The following PCSK5 variants were observed in gnomAD, a reference collection of about 807,000 sequenced individuals.
PCSK5 encodes prohormone convertase 5.
A neutral mutation model predicts 233.2 loss-of-function variants in PCSK5; 129 were observed. The observed-to-expected ratio is 0.55, with a 90% confidence interval of 0.48 to 0.64. The LOEUF is 0.64. Ranked by LOEUF, PCSK5 falls within the 30% of genes least tolerant of loss-of-function variation. The probability of loss-of-function intolerance (pLI) is 0.00; values close to 1 mark genes in which losing one functional copy is unlikely to be tolerated. For missense variants in PCSK5, 2,076 were observed against 2,430.1 expected, an observed-to-expected ratio of 0.85 and a Z score of 3.06; for synonymous variants, 825 against 879.2, an observed-to-expected ratio of 0.94 and a Z score of 1.09.
At chr9:76,196,140 G>T (rs1420600823) in intron 20 of PCSK5, among the ~76,000 whole-genome samples, 1 of 152,018 alleles carries the variant, frequency 6.6e-6, no homozygotes, top group East Asian at 1.9e-4. Context: ...GCAAGGCTGT[G>T]AAAAAAAATC....
intron 2 of PCSK5, among the ~76,000 whole-genome samples, chr9:75,967,010 G>A (rs1825616172): frequency 6.6e-6 from 1 of 152,106 alleles, no homozygotes; most frequent in Admixed American, 6.5e-5. Flanking sequence ...TCTTCAAGGG[G>A]GGAAGGAGGT....
chr9:76,038,811 A>G (rs1420482907), intron 5 of PCSK5, among the ~76,000 whole-genome samples: 1 of 152,236 alleles, frequency 6.6e-6, no homozygotes, highest in Non-Finnish European at 1.5e-5. Context: ...GAATGACACC[A>G]TTCCTGGGAC....
intron 5 of PCSK5, among the ~76,000 whole-genome samples, chr9:76,063,119 G>A (rs1830090456): frequency 6.6e-6 from 1 of 151,340 alleles, no homozygotes; most frequent in Non-Finnish European, 1.5e-5. Flanking sequence ...GAGAATGTCA[G>A]GATTTAATTT....
In PCSK5 at chr9:75,891,334, C is replaced by T; in HGVS notation, c.153C>T (p.Asn51=). 6.4e-7 allele frequency: 1 copy of T among 1,564,026 alleles called. No homozygotes were observed. Among genetic ancestry groups the T allele is most frequent in the Non-Finnish European group, 8.6e-7 (1 of 1,158,404 alleles). Residue 51 remains asparagine, a synonymous_variant, in exon 1 of 38, where the codon AAC becomes AAT. Transcript: ENST00000674117. ...VKIAGGFPEA[N]RIASKYGFIN... is the part of the protein sequence containing the mutation. ...TCGCCGGGGGCTTCCCGGAGGCCAACCGTATCGCCAGCAAGTACGGATTCA... is the reference window on the plus strand; with the variant it reads ...TCGCCGGGGGCTTCCCGGAGGCCAATCGTATCGCCAGCAAGTACGGATTCA...
chr9:76,093,781 A>G (rs1253386588), intron 7 of PCSK5, among the ~76,000 whole-genome samples: 1 of 152,084 alleles, frequency 6.6e-6, no homozygotes, highest in South Asian at 2.1e-4. Flanking sequence ...ATAGAGAGGG[A>G]ACATATTGAT....
chr9:75,912,947 T>A lies in PCSK5; in HGVS notation c.193-19432T>A, dbSNP rs539785388. Among the ~76,000 whole-genome samples the A allele has an allele frequency of 5.9e-5, 9 of 152,320 alleles. No homozygotes were observed. In the South Asian group the frequency reaches 1.9e-3, roughly 32 times the overall value. On this transcript the variant is annotated intron_variant, in intron 1 of 37. Coordinates refer to ENST00000674117, the MANE Select transcript of PCSK5 (RefSeq NM_001372043.1). ...ATGAACCTGCTCTGTCTCCTTGCAG[T>A]CGCTCAAATCCTGATTTTTTGGAAC...
intron 16 of PCSK5, among the ~76,000 whole-genome samples, chr9:76,181,945 G>A (rs1039635029): frequency 6.6e-5 from 10 of 152,142 alleles, no homozygotes; most frequent in Non-Finnish European, 8.8e-5. Context: ...TCACTTCCCC[G>A]TGCAACAATG....
In PCSK5 at chr9:76,310,673, C is replaced by A; in HGVS notation, c.3706C>A (p.Gln1236Lys). 2 of 1,587,144 alleles carry A rather than the reference C, an allele frequency of 1.3e-6. No individual in the cohort carries two copies. Among genetic ancestry groups the A allele is most frequent in the South Asian group, 1.2e-5 (1 of 86,268 alleles). Residue 1236 changes from glutamine (Q) to lysine (K), a missense_variant, in exon 30 of 38, where the codon CAG becomes AAG. This residue lies in a region of PCSK5 where 1,510 missense variants were observed against 1,538.1 expected (regional missense o/e 0.98). Transcript: ENST00000674117. ...SCPKGAYLLA[Q>K]ACVSSCPQGT... ...ATTTCTAGGTGCATATCTTCTGGCT[C>A]AGGCCTGTGTTTCCTCCTGTCCCCA... is the stretch of plus-strand genomic sequence containing the variant.
intron 9 of PCSK5, 77 bp from the exon 10 acceptor site, chr9:76,134,032 T>A (rs573124080): frequency 9.7e-7 from 1 of 1,027,020 alleles, no homozygotes; most frequent in East Asian, 2.5e-5. Flanking sequence ...TTTTGCTTTT[T>A]TAATTTGCTT....
intron 36 of PCSK5, among the ~76,000 whole-genome samples, chr9:76,351,405 G>A (rs1830117936): frequency 1.5e-5 from 2 of 135,638 alleles, no homozygotes; most frequent in African/African-American, 5.4e-5. Context: ...TAGAATTTCT[G>A]GTTTCTACCA....
chr9:76,111,920 C>G (rs11144752), intron 9 of PCSK5, among the ~76,000 whole-genome samples: 81,251 of 151,896 alleles, frequency 0.53, 21,824 homozygotes, highest in East Asian at 0.73. Context: ...ATGATGTTTT[C>G]TATAAAATTG....
chr9:75,919,022 C>T (rs74600471), intron 1 of PCSK5, among the ~76,000 whole-genome samples: 3,770 of 152,136 alleles, frequency 0.025, 152 homozygotes, highest in African/African-American at 0.085. Flanking sequence ...CAGTTCTGTA[C>T]GTTTTGACAA....
intron 1 of PCSK5, among the ~76,000 whole-genome samples, chr9:75,892,227 C>A (rs1825640800): frequency 6.6e-6 from 1 of 152,180 alleles, no homozygotes; most frequent in South Asian, 2.1e-4. Context: ...AGCTCTCCTG[C>A]TAGGGAGAAA....
chr9:75,910,561 C>T (rs1171715957), intron 1 of PCSK5, among the ~76,000 whole-genome samples: 2 of 151,294 alleles, frequency 1.3e-5, no homozygotes, highest in Non-Finnish European at 2.9e-5. Context: ...TGGTAAGCTT[C>T]GTTAGAAAAT....
chr9:76,145,676 G>A (rs1423952911), intron 10 of PCSK5, among the ~76,000 whole-genome samples: 5 of 152,142 alleles, frequency 3.3e-5, no homozygotes, highest in Admixed American at 6.5e-5. Context: ...AACTTGCTGT[G>A]ACCACACTGA....
At chr9:76,299,644 C>A (rs1312927384) in intron 27 of PCSK5, among the ~76,000 whole-genome samples, 4 of 151,724 alleles carry the variant, frequency 2.6e-5, no homozygotes, top group Admixed American at 6.6e-5. Context: ...AGCACTCCAG[C>A]CTGGGCAACA....
At position 76,326,667 on chromosome 9, in the gene PCSK5, G is replaced by C. The variant is rs12340255; in HGVS notation, c.4340-1342G>C. Among the ~76,000 whole-genome samples the C allele has an allele frequency of 5.4e-3, 822 of 152,296 alleles. 4 individuals are homozygous for C. The highest frequency in any genetic ancestry group is 0.019 in the African/African-American group (772 of 41,556). ...TATAAACAATAATAATACCATGCAT[G>C]TATCCACCCAGGGAATGCTTACAGG... is the stretch of plus-strand genomic sequence containing the variant. On this transcript the variant is annotated intron_variant, in intron 32 of 37. Transcript: ENST00000674117.
chr9:75,908,280 G>A (rs1321923683), intron 1 of PCSK5, among the ~76,000 whole-genome samples: 3 of 152,186 alleles, frequency 2.0e-5, no homozygotes, highest in African/African-American at 7.2e-5. Flanking sequence ...CAGGCCTTCA[G>A]GCTTGGGTAG....
rs117446996 is a variant in PCSK5, at chr9:76,261,344, G to A, written c.3142+20660G>A. On this transcript the variant is annotated intron_variant, in intron 24 of 37. Transcript: ENST00000674117. ...AAGAAGTCAAAGTATCTCTCCTTGC[G>A]GATGATATGATTCTATACCTAGAAA... Among the ~76,000 whole-genome samples the A allele has an allele frequency of 3.2e-3, 490 of 152,232 alleles. 2 individuals carry two copies. Among genetic ancestry groups the A allele is most frequent in the Non-Finnish European group, 5.5e-3 (376 of 68,002 alleles).
Sources: allele counts gnomAD v4.1 joint callset (sites outside exome capture counted in the v4.1 genomes callset), GRCh38; gene constraint gnomAD v4.1.1; regional missense constraint gnomAD v4.1.1; transcripts MANE v1.5; gene names NCBI Gene and HGNC (gene_info 2026-07-23, HGNC 2026-07-21).